Variants in RPH3A observed in about 807,000 individuals in gnomAD.
The protein encoded by RPH3A is rabphilin-3A.
RPH3A carries 48 observed loss-of-function variants against 102.2 expected under a neutral mutation model. That is an observed-to-expected ratio of 0.47 (90% CI 0.37 to 0.60). The LOEUF is 0.60. RPH3A is among the 20% of genes least tolerant of loss of function. The probability of loss-of-function intolerance (pLI) is 0.00; values close to 1 mark genes in which losing one functional copy is unlikely to be tolerated. For synonymous variants in RPH3A, 310 were observed against 324.3 expected (o/e 0.96, Z 0.47); for missense variants, 781 against 910.1 (o/e 0.86, Z 1.83).
chr12:112,811,485 AC>A (rs1358944826), intron 2 of RPH3A, among the ~76,000 whole-genome samples: 1 of 152,114 alleles, frequency 6.6e-6, no homozygotes, highest in Non-Finnish European at 1.5e-5. Context: ...AAAATTACCA[AC>A]AAAAAGTGCA....
chr12:112,612,689 T>G (rs1443863985), intron 1 of RPH3A, among the ~76,000 whole-genome samples: 1 of 150,266 alleles, frequency 6.7e-6, no homozygotes, highest in Non-Finnish European at 1.5e-5. Flanking sequence ...CCCAGCCTCC[T>G]GAGCAGCTGG....
intron 1 of RPH3A, among the ~76,000 whole-genome samples, chr12:112,632,095 T>A (rs1227624699): frequency 6.6e-6 from 1 of 152,126 alleles, no homozygotes; most frequent in Non-Finnish European, 1.5e-5. Context: ...TCTCATGAGA[T>A]CTGATGGTTT....
rs1007489149 is a variant in RPH3A at position 112,612,559 on chromosome 12, C to CTTT, written c.-140+37261_-140+37263dup. On this transcript the variant is annotated intron_variant, in intron 1 of 21. Transcript: ENST00000543106. ...CTGGGCCCTAAAGAGGGAGTTTTGC[C>CTTT]TTTTTTTTTTTTTTTTTTTTTTTGA... Among the ~76,000 whole-genome samples the CTTT allele has an allele frequency of 1.5e-4, 17 of 109,690 alleles. 1 individual carries two copies. Among genetic ancestry groups the CTTT allele is most frequent in the Non-Finnish European group, 2.2e-4 (12 of 54,884 alleles). 72.0% of individuals were successfully genotyped at this position (109,690 alleles called of 152,430 possible). A position where few individuals can be genotyped will look rare whatever the true frequency, so the allele number is the denominator to read the frequency against.
At chr12:112,892,635 G>GT (rs2043117986) in intron 19 of RPH3A, among the ~76,000 whole-genome samples, 1 of 152,320 alleles carries the variant, frequency 6.6e-6, no homozygotes, top group East Asian at 1.9e-4. Context: ...ACAGAGCCCA[G>GT]TAGCTTGTTC....
At chr12:112,586,456 G>C (rs1183219566) in intron 1 of RPH3A, among the ~76,000 whole-genome samples, 2 of 152,130 alleles carry the variant, frequency 1.3e-5, no homozygotes, top group African/African-American at 4.8e-5. Context: ...CAGTGAGGGA[G>C]TAAGGCATGA....
intron 1 of RPH3A, among the ~76,000 whole-genome samples, chr12:112,667,496 G>T (rs978599906): frequency 6.6e-6 from 1 of 151,838 alleles, no homozygotes; most frequent in African/African-American, 2.4e-5. Flanking sequence ...TATAAGTCAG[G>T]GTCCCAATGG....
chr12:112,621,626 G>C (rs1445593636), intron 1 of RPH3A, among the ~76,000 whole-genome samples: 1 of 151,438 alleles, frequency 6.6e-6, no homozygotes, highest in African/African-American at 2.4e-5. Flanking sequence ...CAGCGAGGCT[G>C]GGGGAGGGGC....
At chr12:112,610,628 T>TTTTA (rs1260480992) in intron 1 of RPH3A, among the ~76,000 whole-genome samples, 6 of 152,018 alleles carry the variant, frequency 3.9e-5, no homozygotes, top group African/African-American at 9.6e-5. Flanking sequence ...AAAATTATTA[T>TTTTA]TTTATTTATT....
At position 112,869,807 on chromosome 12, in the gene RPH3A, G is replaced by T; in HGVS notation, c.649+10G>T. ...CCGGGTCAGAAGACAGGTGGGTTCT[G>T]CTGACTCTGTTTTGTCATTTGAGAC... On this transcript the variant is annotated intron_variant, in intron 9 of 21. Transcript: ENST00000389385. 1 of 1,614,152 alleles carries T rather than the reference G, an allele frequency of 6.2e-7. No individual in the cohort carries two copies.
chr12:112,868,733 C>T (rs936220347), intron 8 of RPH3A, 138 bp downstream of exon 8: 1 of 834,040 alleles, frequency 1.2e-6, no homozygotes, highest in Non-Finnish European at 1.8e-6. Flanking sequence ...GTCTAGGACT[C>T]CTATATCTCC....
intron 2 of RPH3A, among the ~76,000 whole-genome samples, chr12:112,818,025 A>T (rs2041707540): frequency 6.6e-6 from 1 of 152,188 alleles, no homozygotes; most frequent in African/African-American, 2.4e-5. Flanking sequence ...CTTAAGAAGA[A>T]CAAAAGGCCG....
At chr12:112,667,861 TC>T (rs2040098823) in intron 1 of RPH3A, among the ~76,000 whole-genome samples, 1 of 152,174 alleles carries the variant, frequency 6.6e-6, no homozygotes, top group South Asian at 2.1e-4. Context: ...TTCTCCTGCT[TC>T]ATCTGATCTC....
At chr12:112,722,374 A>G (rs1306077272) in intron 1 of RPH3A, among the ~76,000 whole-genome samples, 1 of 152,230 alleles carries the variant, frequency 6.6e-6, no homozygotes, top group Non-Finnish European at 1.5e-5. Context: ...TCTGGTTGTC[A>G]AAAGGCTTTA....
chr12:112,726,098 T>A (rs2136045375), intron 1 of RPH3A, among the ~76,000 whole-genome samples: 2 of 148,370 alleles, frequency 1.3e-5, no homozygotes, highest in African/African-American at 5.0e-5. Flanking sequence ...CCCAGCCTTT[T>A]TTTTCGGGGG....
intron 2 of RPH3A, among the ~76,000 whole-genome samples, chr12:112,792,528 A>C (rs2041141505): frequency 6.6e-6 from 1 of 152,184 alleles, no homozygotes; most frequent in South Asian, 2.1e-4. Context: ...GCTTCTGCCC[A>C]ATTTGCCCTC....
intron 1 of RPH3A, among the ~76,000 whole-genome samples, chr12:112,715,119 T>C (rs1010802963): frequency 6.6e-6 from 1 of 152,234 alleles, no homozygotes; most frequent in South Asian, 2.1e-4. Flanking sequence ...CATATGCTTT[T>C]ACCACATGAA....
chr12:112,718,825 G>A (rs1220210718), intron 1 of RPH3A, among the ~76,000 whole-genome samples: 3 of 152,218 alleles, frequency 2.0e-5, no homozygotes, highest in Admixed American at 1.3e-4. Context: ...AAGGAGAGCA[G>A]GAATTGATTG....
intron 4 of RPH3A, among the ~76,000 whole-genome samples, chr12:112,845,597 C>A (rs1235481501): frequency 6.6e-6 from 1 of 152,200 alleles, no homozygotes; most frequent in Admixed American, 6.5e-5. Flanking sequence ...GGCTGAGTAA[C>A]CTCCATTGCT....
chr12:112,807,919 A>T (rs2041499957), intron 2 of RPH3A, among the ~76,000 whole-genome samples: 1 of 152,050 alleles, frequency 6.6e-6, no homozygotes, highest in Non-Finnish European at 1.5e-5. Context: ...TTTGTCCATC[A>T]TCTATTTCCC....
Sources: gnomAD v4.1 joint callset for allele counts (sites outside exome capture counted in the v4.1 genomes callset) on GRCh38, gnomAD v4.1.1 for gene constraint, MANE v1.5 for transcripts, NCBI Gene and HGNC (gene_info 2026-07-23, HGNC 2026-07-21) for gene names.